ZNF892: variants seen among roughly 807,000 people sequenced by gnomAD.
The protein encoded by ZNF892 is zinc finger protein 570-like.
the ZNF892 span, chr2:95,215,337 C>T: frequency 4.3e-6 from 2 of 464,078 alleles, no homozygotes; most frequent in African/African-American, 2.0e-5. Context: ...CCTTATTCGT[C>T]ATCAGAGAAC....
the ZNF892 span, among the ~76,000 whole-genome samples, chr2:95,234,636 G>C: frequency 3.3e-5 from 5 of 152,214 alleles, no homozygotes; most frequent in Non-Finnish European, 2.9e-5. Context: ...GTTCCAGATA[G>C]CTGAACACAT....
At chr2:95,255,161 T>G in the ZNF892 span, among the ~76,000 whole-genome samples, 1 of 152,200 alleles carries the variant, frequency 6.6e-6, no homozygotes, top group African/African-American at 2.4e-5. Flanking sequence ...GTTCTTTTAA[T>G]TATGATGTTA....
At chr2:95,239,875 C>T in the ZNF892 span, among the ~76,000 whole-genome samples, 1 of 152,136 alleles carries the variant, frequency 6.6e-6, no homozygotes, top group Non-Finnish European at 1.5e-5. Context: ...GGTGATCCAC[C>T]CACCTCGGCC....
the ZNF892 span, chr2:95,214,365 C>G: frequency 5.0e-6 from 2 of 398,494 alleles, no homozygotes; most frequent in Non-Finnish European, 8.8e-6. Flanking sequence ...AAGCAAGGAG[C>G]TAACTCCAGA....
chr2:95,210,211 GTATATATGTA>G, the ZNF892 span, among the ~76,000 whole-genome samples: 1 of 146,700 alleles, frequency 6.8e-6, no homozygotes. Context: ...GTATATATGT[GTATATATGTA>G]TATATATGTG....
At chr2:95,253,457 A>G in the ZNF892 span, among the ~76,000 whole-genome samples, 4 of 152,198 alleles carry the variant, frequency 2.6e-5, no homozygotes, top group Non-Finnish European at 4.4e-5. Context: ...CTGTTTTGGT[A>G]CCAGTACCAT....
chr2:95,225,700 T>G, the ZNF892 span, among the ~76,000 whole-genome samples: 1 of 152,248 alleles, frequency 6.6e-6, no homozygotes, highest in Non-Finnish European at 1.5e-5. Context: ...TCCCCAAAAG[T>G]CTTAACTGAT....
the ZNF892 span, chr2:95,214,532 G>C: frequency 2.5e-6 from 1 of 398,578 alleles, no homozygotes; most frequent in East Asian, 3.6e-5. Context: ...CTTCTAGGGA[G>C]AGAAGCTACC....
At chr2:95,251,037 A>C in the ZNF892 span, among the ~76,000 whole-genome samples, 14 of 150,480 alleles carry the variant, frequency 9.3e-5, no homozygotes, top group African/African-American at 3.4e-4. Flanking sequence ...TAAATGCTTA[A>C]ATAATAAATA....
chr2:95,237,189 C>G, the ZNF892 span, among the ~76,000 whole-genome samples: 5 of 151,250 alleles, frequency 3.3e-5, no homozygotes, highest in Middle Eastern at 3.4e-3. Flanking sequence ...CCTCAGTCAC[C>G]CAGGCTGGAG....
chr2:95,206,781 G>A, the ZNF892 span, among the ~76,000 whole-genome samples: 8 of 152,274 alleles, frequency 5.3e-5, no homozygotes, highest in East Asian at 7.7e-4. Context: ...CTTGCGGAAG[G>A]GGGTTGGGTA....
At chr2:95,211,621 TTGA>T in the ZNF892 span, 4 of 398,452 alleles carry the variant, frequency 1.0e-5, no homozygotes, top group Admixed American at 4.4e-5. Flanking sequence ...TTTTCAGGAA[TTGA>T]TGATCAGGGA....
At chr2:95,216,260 A>T in the ZNF892 span, among the ~76,000 whole-genome samples, 9 of 152,254 alleles carry the variant, frequency 5.9e-5, no homozygotes, top group African/African-American at 2.2e-4. Context: ...TGTTGGCTGC[A>T]GGGTAATGCA....
At chr2:95,210,105 A>C in the ZNF892 span, among the ~76,000 whole-genome samples, 1 of 149,996 alleles carries the variant, frequency 6.7e-6, no homozygotes, top group Non-Finnish European at 1.5e-5. Context: ...ATGTGTGTAT[A>C]TGTGTGTATA....
the ZNF892 span, among the ~76,000 whole-genome samples, chr2:95,247,980 T>C: frequency 1.3e-5 from 2 of 152,176 alleles, no homozygotes; most frequent in African/African-American, 4.8e-5. Context: ...AGCAATCCCA[T>C]TACTGAGTGT....
the ZNF892 span, among the ~76,000 whole-genome samples, chr2:95,216,381 A>C: frequency 6.6e-6 from 1 of 152,222 alleles, no homozygotes; most frequent in Non-Finnish European, 1.5e-5. Flanking sequence ...AATTGAGTAC[A>C]GAAGAGACCT....
the ZNF892 span, among the ~76,000 whole-genome samples, chr2:95,255,429 C>T: frequency 6.6e-6 from 1 of 152,216 alleles, no homozygotes; most frequent in South Asian, 2.1e-4. Flanking sequence ...TTTGATTGCA[C>T]TGTGGTCTGA....
chr2:95,248,158 A>G, the ZNF892 span, among the ~76,000 whole-genome samples: 3 of 152,260 alleles, frequency 2.0e-5, no homozygotes, highest in Non-Finnish European at 4.4e-5. Context: ...TGCAGCTGTA[A>G]AAAAGAATAA....
At chr2:95,249,231 ATTTTTTT>A in the ZNF892 span, among the ~76,000 whole-genome samples, 613 of 57,062 alleles carry the variant, frequency 0.011, 2 homozygotes, top group African/African-American at 0.041. Flanking sequence ...ATATATATAT[ATTTTTTT>A]TTTTTTTTTT....
Sources: allele counts gnomAD v4.1 joint callset (sites outside exome capture counted in the v4.1 genomes callset), GRCh38; gene constraint gnomAD v4.1.1; transcripts MANE v1.5; gene names NCBI Gene and HGNC (gene_info 2026-07-23, HGNC 2026-07-21).